The following SH3RF1 variants were observed in gnomAD, a reference collection of about 807,000 sequenced individuals.
SH3RF1 encodes SH3 domain containing ring finger 1, also known as E3 ubiquitin-protein ligase SH3RF1.
In SH3RF1, 32 loss-of-function variants were observed where a neutral mutation model predicts 74.0. The observed-to-expected ratio is 0.43, with a 90% CI of 0.33 to 0.58. The LOEUF (loss-of-function observed/expected upper bound fraction) is 0.58. Among genes scored for constraint, SH3RF1 ranks in the 20% least tolerant of loss-of-function variants. The pLI, the probability that SH3RF1 is intolerant of heterozygous loss-of-function variation, is 0.05. For synonymous variants in SH3RF1, 396 were observed against 439.6 expected (o/e 0.90, Z 1.24); for missense variants, 954 against 1,130.9 (o/e 0.84, Z 2.24).
chr4:169,214,625 C>G (rs749789870), intron 2 of SH3RF1, among the ~76,000 whole-genome samples: 15 of 152,104 alleles, frequency 9.9e-5, no homozygotes, highest in Non-Finnish European at 1.8e-4. Flanking sequence ...TTTCCTTGCA[C>G]AGATATTGCA....
chr4:169,127,976 G>A (rs775075408), intron 6 of SH3RF1, among the ~76,000 whole-genome samples: 190 of 152,232 alleles, frequency 1.2e-3, no homozygotes, highest in Non-Finnish European at 2.0e-3. Context: ...TCTGAAATCC[G>A]AAATGCTCCA....
intron 2 of SH3RF1, among the ~76,000 whole-genome samples, chr4:169,248,282 T>C (rs1296790174): frequency 1.3e-5 from 2 of 152,190 alleles, no homozygotes; most frequent in African/African-American, 2.4e-5. Flanking sequence ...ATGTGGCACA[T>C]ATGCATCATG....
At chr4:169,158,379 T>C (rs755132464) in intron 2 of SH3RF1, among the ~76,000 whole-genome samples, 11 of 152,156 alleles carry the variant, frequency 7.2e-5, no homozygotes, top group Admixed American at 3.3e-4. Flanking sequence ...AGAAGTCACA[T>C]GTGCAGCGGG....
rs1277378108 is a variant in SH3RF1 at position 169,156,658 on chromosome 4, C to T, written c.415G>A (p.Ala139Thr). 2.5e-6 allele frequency: 4 copies of T among 1,611,062 alleles called. No homozygotes were observed. The highest frequency in any genetic ancestry group is 3.4e-6 in the Non-Finnish European group (4 of 1,178,410). ...CCTTCATAGTTGTATAATGCTTTGG[C>T]ACATGGTAACTGAGGTATACCCTTT... ...PVRGIPQLPCAKALYNYEGKE... is the reference protein window; with the variant it reads ...PVRGIPQLPCTKALYNYEGKE... The change falls in exon 3 of 12, where the codon GCC becomes ACC. Residue 139 changes from alanine to threonine, a missense_variant. By Grantham distance (58) the Ala-to-Thr change is moderately conservative (BLOSUM62 0). Coordinates refer to ENST00000284637, the MANE Select transcript of SH3RF1 (RefSeq NM_020870.4).
At chr4:169,146,188 A>G (rs1356108163) in intron 4 of SH3RF1, among the ~76,000 whole-genome samples, 1 of 143,880 alleles carries the variant, frequency 7.0e-6, no homozygotes, top group African/African-American at 2.5e-5. Context: ...TATATTCTAT[A>G]TAAAATATTA....
At chr4:169,118,138 C>T (rs1579090539) in intron 8 of SH3RF1, among the ~76,000 whole-genome samples, 1 of 152,162 alleles carries the variant, frequency 6.6e-6, no homozygotes, top group Non-Finnish European at 1.5e-5. Context: ...TGACAATATC[C>T]CCATTTCCAT....
Position 169,203,222 on chromosome 4 carries a change from A to G in SH3RF1, c.394-46543T>C, listed in dbSNP as rs150936015. Among the ~76,000 whole-genome samples, 21 of 152,342 alleles carry G rather than the reference A, an allele frequency of 1.4e-4. No individual in the cohort carries two copies. The East Asian group carries it at 4.1e-3, about 29-fold the overall frequency. ...AGAGTATCAACTCATAACTCAAAGC[A>G]TCTTGCTCTTTGTAGTTGAAAGAGC... On this transcript the variant is annotated intron_variant, in intron 2 of 11. Transcript: ENST00000284637.
intron 4 of SH3RF1, among the ~76,000 whole-genome samples, chr4:169,143,394 C>T (rs1053020191): frequency 2.0e-5 from 3 of 152,152 alleles, no homozygotes; most frequent in Admixed American, 2.0e-4. Context: ...TTCCATCCCA[C>T]TCAGTTTGGA....
chr4:169,182,437 T>G (rs1014060075), intron 2 of SH3RF1, among the ~76,000 whole-genome samples: 1 of 152,238 alleles, frequency 6.6e-6, no homozygotes, highest in Admixed American at 6.5e-5. Flanking sequence ...TTTCAAAGCA[T>G]TCTTAATTTC....
chr4:169,211,478 T>G (rs1730365707), intron 2 of SH3RF1, among the ~76,000 whole-genome samples: 1 of 95,436 alleles, frequency 1.0e-5, no homozygotes, highest in African/African-American at 3.7e-5. Context: ...CGAGACTCCG[T>G]CTCAAAAAAA....
chr4:169,157,028 A>G (rs1474930595), intron 2 of SH3RF1, among the ~76,000 whole-genome samples: 2 of 152,212 alleles, frequency 1.3e-5, no homozygotes, highest in Non-Finnish European at 2.9e-5. Flanking sequence ...AACAAGCTTA[A>G]CTTCCTACAT....
Position 169,122,201 on chromosome 4 carries a change from T to C in SH3RF1, c.1245A>G (p.Pro415=), listed in dbSNP as rs547461599. ...LAATVLASTP[P]GATAAAAAAG... ...CAGCAGCAGCAGCGGCGGTGGCGCC[T>C]GGTGGTGTGGAGGCAAGGACAGTGG... Residue 415 remains proline (P), a synonymous_variant, in exon 7 of 12, where the codon CCA becomes CCG. Transcript: ENST00000284637. 1.2e-4 allele frequency: 190 copies of C among 1,613,164 alleles called. No individual in the cohort carries two copies. In the African/African-American group the frequency reaches 2.1e-3, roughly 18 times the overall value.
rs186521351 is a variant in SH3RF1 at position 169,151,779 on chromosome 4, G to A, written c.765+3701C>T. ...TTTTTGGTGTTGAAAAACTGAGTGG[G>A]CGATATTTCAAACAAATGACTAGGA... On this transcript the variant is annotated intron_variant, in intron 4 of 11. Transcript: ENST00000284637. 4.3e-3 allele frequency among the ~76,000 whole-genome samples: 655 copies of A among 152,258 alleles called. 6 individuals carry two copies. Among genetic ancestry groups the A allele is most frequent in the African/African-American group, 0.015 (629 of 41,536 alleles).
chr4:169,150,984 C>T (rs1733967817), intron 4 of SH3RF1, among the ~76,000 whole-genome samples: 1 of 152,022 alleles, frequency 6.6e-6, no homozygotes, highest in Non-Finnish European at 1.5e-5. Context: ...AACATCCTGA[C>T]GTAACACCAA....
chr4:169,203,097 A>G (rs1020727772), intron 2 of SH3RF1, among the ~76,000 whole-genome samples: 1 of 152,220 alleles, frequency 6.6e-6, no homozygotes, highest in African/African-American at 2.4e-5. Context: ...CTAAACAAGC[A>G]TTTTCCAAAA....
At chr4:169,149,797 A>T (rs866375956) in intron 4 of SH3RF1, among the ~76,000 whole-genome samples, 70 of 152,350 alleles carry the variant, frequency 4.6e-4, no homozygotes, top group African/African-American at 1.6e-3. Flanking sequence ...ATATAGTTCA[A>T]TCAACTCTTT....
At chr4:169,200,309 A>G (rs1176734457) in intron 2 of SH3RF1, among the ~76,000 whole-genome samples, 1 of 152,178 alleles carries the variant, frequency 6.6e-6, no homozygotes, top group Non-Finnish European at 1.5e-5. Context: ...ACCTGTTTAT[A>G]TGTTAAGCCA....
At chr4:169,154,634 T>C (rs1466131843) in intron 4 of SH3RF1, among the ~76,000 whole-genome samples, 2 of 152,194 alleles carry the variant, frequency 1.3e-5, no homozygotes, top group East Asian at 3.9e-4. Flanking sequence ...TCCATGTCTC[T>C]TAGTTAACCC....
intron 4 of SH3RF1, among the ~76,000 whole-genome samples, chr4:169,150,682 A>G (rs1733962423): frequency 6.6e-6 from 1 of 152,146 alleles, no homozygotes; most frequent in African/African-American, 2.4e-5. Flanking sequence ...TTAGGGCCCC[A>G]TGTCCGAGGA....
Sources: allele counts gnomAD v4.1 joint callset (sites outside exome capture counted in the v4.1 genomes callset), GRCh38; gene constraint gnomAD v4.1.1; transcripts MANE v1.5; gene names NCBI Gene and HGNC (gene_info 2026-07-23, HGNC 2026-07-21).